The following NUP155 variants were observed in gnomAD, a reference collection of about 807,000 sequenced individuals.
NUP155 encodes the protein nucleoporin 155.
A neutral mutation model predicts 180.4 loss-of-function variants in NUP155; 71 were observed. The ratio of observed to expected loss-of-function variants is 0.39; its 90% confidence interval spans 0.33 to 0.48. The LOEUF is 0.48. NUP155 is among the 20% of genes least tolerant of loss of function. The probability of loss-of-function intolerance (pLI) is 0.91; values close to 1 mark genes in which losing one functional copy is unlikely to be tolerated. For synonymous variants in NUP155, 582 were observed against 559.5 expected (o/e 1.04, Z -0.57); for missense variants, 1,553 against 1,648.9 (o/e 0.94, Z 1.01).
rs368246169 is a variant in NUP155, at chr5:37,328,316, C to T, written c.1876+42G>A. ...CATTAAGGTTAACTCATAATGTTAG[C>T]ACTTCAAAATGAATCCAATCCAAAA... is the stretch of plus-strand genomic sequence containing the variant. On this transcript the variant is annotated intron_variant, in intron 17 of 34. Transcript: ENST00000231498. 5.2e-6 allele frequency: 7 copies of T among 1,349,810 alleles called. No individual in the cohort carries two copies. In the African/African-American group the frequency reaches 1.0e-4, roughly 19 times the overall value. The allele number at this position is 1,349,810 out of a possible 1,614,324, so 83.6% of individuals were successfully genotyped here.
chr5:37,339,414 G>C (rs1745567536), intron 11 of NUP155, among the ~76,000 whole-genome samples: 1 of 152,056 alleles, frequency 6.6e-6, no homozygotes, highest in South Asian at 2.1e-4. Flanking sequence ...GACTGCTTGA[G>C]CCCAGGAGTT....
intron 16 of NUP155, 92 bp from the exon 17 acceptor site, chr5:37,328,512 T>C (rs1476186981): frequency 1.3e-5 from 13 of 1,008,420 alleles, no homozygotes; most frequent in Non-Finnish European, 1.8e-5. Context: ...TATTTCCTTT[T>C]TCTTTTTTTG....
chr5:37,349,869 G>A (rs1012391738), intron 7 of NUP155, among the ~76,000 whole-genome samples: 1 of 152,232 alleles, frequency 6.6e-6, no homozygotes, highest in Admixed American at 6.5e-5. Context: ...CTGTCTGAAT[G>A]TCTGTCTCTC....
intron 9 of NUP155, among the ~76,000 whole-genome samples, chr5:37,347,320 G>A (rs1037200354): frequency 3.1e-5 from 4 of 127,214 alleles, no homozygotes; most frequent in East Asian, 2.0e-4. Flanking sequence ...CCTATGTAAA[G>A]TTGCCAGGAA....
At position 37,348,518 on chromosome 5, in the gene NUP155, C is replaced by A; in HGVS notation, c.982G>T (p.Gly328Cys). The A allele has an allele frequency of 6.2e-7, 1 of 1,605,250 alleles. No homozygotes were observed. The highest frequency in any genetic ancestry group is 8.5e-7 in the Non-Finnish European group (1 of 1,172,090). ...ATTACATGTTACCTAGCAATGTTACCAGCAGCAGAGACAATGGCATTCTGT... is the reference window on the plus strand; with the variant it reads ...ATTACATGTTACCTAGCAATGTTACAAGCAGCAGAGACAATGGCATTCTGT... ...VSQNAIVSAA[G>C]NIARTIDRSV... The change falls in exon 9 of 35, where the codon GGT (glycine) becomes TGT (cysteine). Residue 328 changes from glycine to cysteine, a missense_variant. Coordinates refer to ENST00000231498, the MANE Select transcript of NUP155 (RefSeq NM_153485.3).
intron 19 of NUP155, 116 bp downstream of exon 19, chr5:37,325,785 A>AT (rs1463481687): frequency 2.9e-6 from 2 of 694,516 alleles, no homozygotes; most frequent in Non-Finnish European, 2.4e-6. Flanking sequence ...AAAAAAAAAA[A>AT]AAAAAATAAC....
chr5:37,356,409 G>A (rs1259497830), intron 4 of NUP155, among the ~76,000 whole-genome samples: 7 of 151,856 alleles, frequency 4.6e-5, no homozygotes, highest in Admixed American at 6.6e-5. Flanking sequence ...TTGGGAGACC[G>A]ATGTGGGAGG....
intron 9 of NUP155, among the ~76,000 whole-genome samples, chr5:37,345,234 G>A (rs184815234): frequency 5.3e-5 from 8 of 150,920 alleles, no homozygotes; most frequent in Admixed American, 2.6e-4. Context: ...AAGGCATGTC[G>A]GTGGCTCATG....
rs1253215680 is a variant in NUP155 at position 37,329,294 on chromosome 5, G to A, written c.1725-16C>T. ...ACCACCATACCTATTTTTATGACAA[G>A]AGGTTGAGTTTATTCAGTAAAACAA... On this transcript the variant is annotated splice_polypyrimidine_tract_variant and intron_variant, in intron 15 of 34. Transcript: ENST00000231498. The A allele has an allele frequency of 1.3e-6, 2 of 1,595,680 alleles. No homozygotes were observed. Among genetic ancestry groups the A allele is most frequent in the Non-Finnish European group, 1.7e-6 (2 of 1,163,304 alleles).
intron 2 of NUP155, 84 bp downstream of exon 2, chr5:37,364,163 A>T (rs1006894324): frequency 8.9e-6 from 11 of 1,236,608 alleles, no homozygotes; most frequent in Non-Finnish European, 1.1e-5. Context: ...TATATAACAC[A>T]TTAATTAAAC....
intron 32 of NUP155, among the ~76,000 whole-genome samples, chr5:37,294,902 G>A (rs1487258782): frequency 6.6e-6 from 1 of 152,106 alleles, no homozygotes; most frequent in Non-Finnish European, 1.5e-5. Context: ...TGATGAAAAT[G>A]TCCTAAAATT....
chr5:37,350,073 T>C (rs1746358885), intron 7 of NUP155, 87 bp downstream of exon 7: 3 of 933,552 alleles, frequency 3.2e-6, no homozygotes, highest in Non-Finnish European at 5.3e-6. Context: ...TTGTTTCAAT[T>C]AAGAATGATA....
At position 37,325,830 on chromosome 5, in the gene NUP155, T is replaced by A. The variant is rs1473278742; in HGVS notation, c.2091+71A>T. 6.4e-6 allele frequency: 6 copies of A among 941,894 alleles called. No homozygotes were observed. In the African/African-American group the frequency reaches 1.0e-4, roughly 16 times the overall value. 58.3% of individuals were successfully genotyped at this position (941,894 alleles called of 1,614,324 possible). The stretch of plus-strand genomic sequence containing the variant: ...CTTATTTGTGTAATATCAGGAAATG[T>A]GAAACAATCTAACCATTTATACCAT... On this transcript the variant is annotated intron_variant, in intron 19 of 34. Transcript: ENST00000231498.
rs758753525 is a variant in NUP155, at chr5:37,349,173, T to C, written c.902A>G (p.Gln301Arg). The C allele has an allele frequency of 6.2e-5, 43 of 689,744 alleles. 1 individual carries two copies. Among genetic ancestry groups the C allele is most frequent in the African/African-American group, 1.3e-4 (7 of 54,592 alleles). The allele number at this position is 689,744 out of a possible 1,614,324, so 42.7% of individuals were successfully genotyped here. Residue 301 changes from glutamine to arginine, a missense_variant and splice_region_variant, in exon 8 of 35, where the codon CAG becomes CGG. Physicochemically the swap from Gln to Arg is conservative, Grantham distance 43 (BLOSUM62 1). Transcript: ENST00000231498. Reference protein sequence around the residue: ...LYTRSEKGVIQVYDLGQDGQG... With the variant: ...LYTRSEKGVIRVYDLGQDGQG... ...TGGTATAATAATATTAATACTAACC[T>C]GTATTACTCCTTTCTCAGATCGTGT...
chr5:37,347,663 T>C, intron 9 of NUP155, among the ~76,000 whole-genome samples: 1 of 126,240 alleles, frequency 7.9e-6, no homozygotes, highest in Admixed American at 9.3e-5. Context: ...ACCATTGCAC[T>C]CCAGCCTGGA....
intron 6 of NUP155, among the ~76,000 whole-genome samples, chr5:37,350,939 T>C (rs560890001): frequency 1.3e-5 from 2 of 151,614 alleles, no homozygotes; most frequent in African/African-American, 2.4e-5. Flanking sequence ...CACATATGCA[T>C]AGATATCTAT....
At chr5:37,327,828 T>C in intron 17 of NUP155, 52 bp from the exon 18 acceptor site, 2 of 1,578,236 alleles carry the variant, frequency 1.3e-6, no homozygotes, top group Non-Finnish European at 1.7e-6. Flanking sequence ...TTAGAACCCA[T>C]AAATCTCTTA....
Position 37,303,243 on chromosome 5 carries a change from A to T in NUP155, c.3317+17T>A. The T allele has an allele frequency of 6.2e-7, 1 of 1,613,470 alleles. No homozygotes were observed. The highest frequency in any genetic ancestry group is 1.1e-5 in the South Asian group (1 of 91,046). On this transcript the variant is annotated intron_variant, in intron 28 of 34. Coordinates refer to ENST00000231498, the MANE Select transcript of NUP155 (RefSeq NM_153485.3). ...CAGTTTTGAATCATTCTTCACAATA[A>T]GAATATTATGCCATACCTATGCATG...
chr5:37,328,757 G>A (rs1291533234), intron 16 of NUP155, among the ~76,000 whole-genome samples: 4 of 152,104 alleles, frequency 2.6e-5, no homozygotes, highest in South Asian at 2.1e-4. Flanking sequence ...TGCCCGCCTC[G>A]GCCTCCCAAA....
Sources: gnomAD v4.1 joint callset for allele counts (sites outside exome capture counted in the v4.1 genomes callset) on GRCh38, gnomAD v4.1.1 for gene constraint, MANE v1.5 for transcripts, NCBI Gene and HGNC (gene_info 2026-07-23, HGNC 2026-07-21) for gene names.